CCDC148: variants seen among roughly 807,000 people sequenced by gnomAD.
CCDC148 encodes the protein coiled-coil domain-containing protein 148.
CCDC148 carries 89 observed loss-of-function variants against 85.7 expected under a neutral mutation model. That is an observed-to-expected ratio of 1.04 (90% CI 0.87 to 1.24). CCDC148 has a LOEUF of 1.24. Ranked by LOEUF, CCDC148 falls within the 50% of genes most tolerant of loss-of-function variation. CCDC148 has a pLI of 0.00. For synonymous variants in CCDC148, 230 were observed against 213.9 expected (o/e 1.08, Z -0.66); for missense variants, 692 against 671.7 (o/e 1.03, Z -0.33).
chr2:158,230,023 G>A lies in CCDC148; in HGVS notation c.1252-9310C>T, dbSNP rs562069858. Among the ~76,000 whole-genome samples the A allele has an allele frequency of 2.5e-4, 38 of 152,170 alleles. No homozygotes were observed. The South Asian group carries it at 4.4e-3, about 17-fold the overall frequency. ...TCTCACTAGTGAGTTCCACAGGATC[G>A]GATCAAATATCCTTTCCAATCATGA... On this transcript the variant is annotated intron_variant, in intron 10 of 13. Coordinates refer to ENST00000283233, the MANE Select transcript of CCDC148 (RefSeq NM_138803.4).
intron 1 of CCDC148, among the ~76,000 whole-genome samples, chr2:158,398,509 A>G (rs1685629907): frequency 6.6e-6 from 1 of 152,158 alleles, no homozygotes; most frequent in Admixed American, 6.6e-5. Context: ...AAACTGAACA[A>G]CCTGTTCCTG....
chr2:158,335,176 C>T (rs1034159962), intron 7 of CCDC148, among the ~76,000 whole-genome samples: 4 of 152,164 alleles, frequency 2.6e-5, no homozygotes, highest in African/African-American at 9.7e-5. Flanking sequence ...TGTCTTCCTT[C>T]GGTCACCAGA....
At chr2:158,280,868 T>C (rs888888716) in intron 9 of CCDC148, among the ~76,000 whole-genome samples, 22 of 152,202 alleles carry the variant, frequency 1.4e-4, no homozygotes, top group African/African-American at 4.1e-4. Flanking sequence ...ACTGACCACA[T>C]AGTTGGAAGT....
At chr2:158,303,416 T>C (rs560830564) in intron 9 of CCDC148, among the ~76,000 whole-genome samples, 1 of 152,284 alleles carries the variant, frequency 6.6e-6, no homozygotes, top group Admixed American at 6.5e-5. Flanking sequence ...GGCAAGTCAC[T>C]TCATCTTTCA....
chr2:158,428,342 G>T (rs1687171156), intron 1 of CCDC148, among the ~76,000 whole-genome samples: 1 of 152,110 alleles, frequency 6.6e-6, no homozygotes. Context: ...TAAGAAAAAG[G>T]AAACTGTCCA....
At chr2:158,215,937 A>C (rs1686828600) in intron 11 of CCDC148, among the ~76,000 whole-genome samples, 1 of 152,168 alleles carries the variant, frequency 6.6e-6, no homozygotes, top group Non-Finnish European at 1.5e-5. Context: ...GCAAGCCAGG[A>C]AGAGACCCCT....
intron 1 of CCDC148, among the ~76,000 whole-genome samples, chr2:158,367,965 A>C (rs1684273208): frequency 6.6e-6 from 1 of 152,188 alleles, no homozygotes; most frequent in Admixed American, 6.6e-5. Context: ...TTAGCACTTG[A>C]GATGATTGAG....
intron 9 of CCDC148, among the ~76,000 whole-genome samples, chr2:158,288,382 C>T (rs1690731210): frequency 6.6e-6 from 1 of 152,228 alleles, no homozygotes; most frequent in Non-Finnish European, 1.5e-5. Context: ...CTTTTATGCT[C>T]TGTTTCCCTT....
chr2:158,345,553 T>C (rs561330854), intron 2 of CCDC148, among the ~76,000 whole-genome samples: 3 of 152,272 alleles, frequency 2.0e-5, no homozygotes, highest in East Asian at 1.9e-4. Context: ...AAAGTACTTA[T>C]TAAAACAAAG....
chr2:158,298,438 C>T (rs1201392616), intron 9 of CCDC148, among the ~76,000 whole-genome samples: 3 of 151,914 alleles, frequency 2.0e-5, no homozygotes, highest in Non-Finnish European at 2.9e-5. Flanking sequence ...TTCAATACTG[C>T]CTCTATTTTA....
chr2:158,354,773 A>C (rs1053395215), intron 2 of CCDC148, among the ~76,000 whole-genome samples: 16 of 150,140 alleles, frequency 1.1e-4, no homozygotes, highest in East Asian at 3.9e-4. Context: ...GAGACACAAC[A>C]AAAAAAGAGA....
intron 9 of CCDC148, among the ~76,000 whole-genome samples, chr2:158,285,408 T>A (rs753437970): frequency 1.2e-4 from 18 of 150,138 alleles, no homozygotes; most frequent in Non-Finnish European, 2.2e-4. Flanking sequence ...GCATATGAAA[T>A]AGGAAATAGA....
intron 9 of CCDC148, among the ~76,000 whole-genome samples, chr2:158,274,607 T>C (rs965377483): frequency 2.0e-5 from 3 of 152,220 alleles, no homozygotes. Context: ...CCAACTATAT[T>C]TCCTATGGAT....
intron 10 of CCDC148, among the ~76,000 whole-genome samples, chr2:158,244,320 T>G (rs1160657676): frequency 2.6e-5 from 4 of 152,172 alleles, no homozygotes; most frequent in Non-Finnish European, 5.9e-5. Flanking sequence ...AAAACAACAC[T>G]CACTTGCTAG....
At chr2:158,376,182 A>C (rs1460694109) in intron 1 of CCDC148, among the ~76,000 whole-genome samples, 2 of 152,122 alleles carry the variant, frequency 1.3e-5, no homozygotes, top group Non-Finnish European at 2.9e-5. Context: ...AGCATGAAAA[A>C]ATTACATCTA....
intron 1 of CCDC148, chr2:158,366,162 G>C: frequency 9.7e-7 from 1 of 1,029,702 alleles, no homozygotes; most frequent in Non-Finnish European, 1.4e-6. Flanking sequence ...ATTTTTAAAA[G>C]TAAGACCCAG....
intron 7 of CCDC148, among the ~76,000 whole-genome samples, chr2:158,315,150 A>G (rs1319298323): frequency 6.6e-6 from 1 of 152,248 alleles, no homozygotes; most frequent in East Asian, 1.9e-4. Flanking sequence ...AAATGAATTC[A>G]TTGAACACAC....
At chr2:158,234,860 T>C (rs1464835427) in intron 10 of CCDC148, among the ~76,000 whole-genome samples, 1 of 152,222 alleles carries the variant, frequency 6.6e-6, no homozygotes, top group Non-Finnish European at 1.5e-5. Flanking sequence ...AATTTTCTTT[T>C]GGCAGTGGTT....
At chr2:158,408,810 T>C (rs1233394257) in intron 1 of CCDC148, among the ~76,000 whole-genome samples, 1 of 152,054 alleles carries the variant, frequency 6.6e-6, no homozygotes, top group Non-Finnish European at 1.5e-5. Flanking sequence ...TCCCCACCAA[T>C]AATGTCCAGG....
Sources: allele counts gnomAD v4.1 joint callset (sites outside exome capture counted in the v4.1 genomes callset), GRCh38; gene constraint gnomAD v4.1.1; transcripts MANE v1.5; gene names NCBI Gene and HGNC (gene_info 2026-07-23, HGNC 2026-07-21).